CSMD1: variants seen among roughly 807,000 people sequenced by gnomAD.
CSMD1 encodes CUB and Sushi multiple domains 1.
CSMD1 carries 213 observed loss-of-function variants against 417.5 expected under a neutral mutation model. That is an observed-to-expected ratio of 0.51 (90% CI 0.46 to 0.57). CSMD1 has a LOEUF of 0.57. CSMD1 is among the 20% of genes least tolerant of loss of function. CSMD1 has a pLI of 0.00. For synonymous variants in CSMD1, 2,862 were observed against 1,736.8 expected, an observed-to-expected ratio of 1.65 and a Z score of -16.11; for missense variants, 6,923 against 4,529.7, an observed-to-expected ratio of 1.53 and a Z score of -15.17.
intron 7 of CSMD1, among the ~76,000 whole-genome samples, chr8:3,703,314 TA>T (rs1397356491): frequency 6.6e-6 from 1 of 152,194 alleles, no homozygotes; most frequent in African/African-American, 2.4e-5. Flanking sequence ...CAAGGCTGTG[TA>T]AAGAAGCTGA....
intron 26 of CSMD1, among the ~76,000 whole-genome samples, chr8:3,233,685 C>G (rs79409820): frequency 6.6e-6 from 1 of 151,826 alleles, no homozygotes; most frequent in African/African-American, 2.4e-5. Flanking sequence ...AGTCTGAATC[C>G]GATAAGAATT....
chr8:4,304,064 C>G (rs181873151), intron 3 of CSMD1, among the ~76,000 whole-genome samples: 13 of 152,212 alleles, frequency 8.5e-5, no homozygotes, highest in East Asian at 7.7e-4. Flanking sequence ...ATCACAAAGC[C>G]TCGATGAAAC....
At chr8:3,450,473 C>A (rs1815628969) in intron 12 of CSMD1, among the ~76,000 whole-genome samples, 1 of 151,612 alleles carries the variant, frequency 6.6e-6, no homozygotes, top group South Asian at 2.1e-4. Context: ...CCCCACACCC[C>A]ACAACAGGCC....
At chr8:4,608,532 C>T (rs79970576) in intron 2 of CSMD1, among the ~76,000 whole-genome samples, 2,839 of 152,264 alleles carry the variant, frequency 0.019, 70 homozygotes, top group African/African-American at 0.061. Context: ...CCATAAGAGA[C>T]GCCAGTACTG....
intron 5 of CSMD1, among the ~76,000 whole-genome samples, chr8:3,888,264 C>G (rs1337184453): frequency 6.6e-6 from 1 of 152,152 alleles, no homozygotes; most frequent in East Asian, 1.9e-4. Flanking sequence ...GCTAAATACA[C>G]CCAAATGCCA....
intron 7 of CSMD1, among the ~76,000 whole-genome samples, chr8:3,658,573 A>T (rs988945571): frequency 1.3e-5 from 2 of 151,670 alleles, no homozygotes; most frequent in Non-Finnish European, 2.9e-5. Context: ...ACTTGAGGTC[A>T]GGAGTTTGAG....
At chr8:3,618,788 T>G (rs559765409) in intron 7 of CSMD1, among the ~76,000 whole-genome samples, 1 of 152,228 alleles carries the variant, frequency 6.6e-6, no homozygotes, top group Non-Finnish European at 1.5e-5. Flanking sequence ...TTTCATGATG[T>G]CTTACTCTCC....
chr8:4,462,700 T>C lies in CSMD1; in HGVS notation c.303-42635A>G, dbSNP rs192398168. On this transcript the variant is annotated intron_variant, in intron 2 of 69. Coordinates refer to ENST00000635120, the MANE Select transcript of CSMD1 (RefSeq NM_033225.6). The stretch of plus-strand genomic sequence containing the variant: ...AAAAACCACTGACATTACCCGTCAA[T>C]TTGATTTTTGACAAGATGCCAAAAC... Among the ~76,000 whole-genome samples, 1,123 of 152,330 alleles carry C rather than the reference T, an allele frequency of 7.4e-3. 14 individuals are homozygous for C. The highest frequency in any genetic ancestry group is 0.025 in the African/African-American group (1,043 of 41,576).
intron 3 of CSMD1, among the ~76,000 whole-genome samples, chr8:4,323,576 A>T (rs1328185825): frequency 1.3e-5 from 2 of 152,140 alleles, no homozygotes; most frequent in Non-Finnish European, 2.9e-5. Flanking sequence ...CTGCTTTCCA[A>T]GGTGTTTGAG....
chr8:3,857,197 G>C (rs1804372262), intron 5 of CSMD1, among the ~76,000 whole-genome samples: 1 of 152,138 alleles, frequency 6.6e-6, no homozygotes, highest in Non-Finnish European at 1.5e-5. Context: ...AAGTGCCAAA[G>C]TTGTACAGGA....
intron 5 of CSMD1, among the ~76,000 whole-genome samples, chr8:3,883,918 A>T (rs1369880882): frequency 6.6e-6 from 1 of 152,154 alleles, no homozygotes; most frequent in Non-Finnish European, 1.5e-5. Context: ...ATATGTTAAA[A>T]TATATGAATA....
At position 3,751,322 on chromosome 8, in the gene CSMD1, GTGTGTA is replaced by G. The variant is rs1348330949; in HGVS notation, c.931+2602_931+2607del. Among the ~76,000 whole-genome samples, 18 of 145,948 alleles carry G rather than the reference GTGTGTA, an allele frequency of 1.2e-4. No homozygotes were observed. The South Asian group carries it at 1.8e-3, about 14-fold the overall frequency. On this transcript the variant is annotated intron_variant, in intron 6 of 69. Transcript: ENST00000635120. Reference sequence around the variant, plus strand: ...GAAGTGTGTGTGTGTGTGTGTGTGTGTGTGTATATATATATATATACACGAACACAC... The same window carrying G: ...GAAGTGTGTGTGTGTGTGTGTGTGTGTATATATATATATACACGAACACAC...
chr8:3,498,826 G>C (rs181733150), intron 10 of CSMD1, among the ~76,000 whole-genome samples: 2 of 151,994 alleles, frequency 1.3e-5, no homozygotes, highest in East Asian at 1.9e-4. Context: ...TTATTATTCA[G>C]TTTCAAGACT....
intron 3 of CSMD1, among the ~76,000 whole-genome samples, chr8:4,210,804 C>T (rs1213501581): frequency 6.6e-6 from 1 of 152,086 alleles, no homozygotes; most frequent in Non-Finnish European, 1.5e-5. Context: ...TCTACAAGGT[C>T]TCAAGACTAT....
intron 10 of CSMD1, among the ~76,000 whole-genome samples, chr8:3,570,700 T>C (rs950337055): frequency 1.3e-5 from 2 of 152,194 alleles, no homozygotes; most frequent in African/African-American, 4.8e-5. Context: ...TAGTTGGCTC[T>C]TCTGTTAGTT....
rs79494200 is a variant in CSMD1, at chr8:4,342,878, A to G, written c.415+77075T>C. Among the ~76,000 whole-genome samples the G allele has an allele frequency of 2.3e-3, 355 of 152,234 alleles. 6 individuals are homozygous for G. In the East Asian group the frequency reaches 0.04, roughly 17 times the overall value. On this transcript the variant is annotated intron_variant, in intron 3 of 69. Transcript: ENST00000635120. ...ATACACCAAAGGCCACCCATGTGACATATCAGGAGAAGCAAAGGACTTATG... is the reference window on the plus strand; with the variant it reads ...ATACACCAAAGGCCACCCATGTGACGTATCAGGAGAAGCAAAGGACTTATG...
chr8:3,904,686 G>A (rs989816908), intron 5 of CSMD1, among the ~76,000 whole-genome samples: 17 of 146,240 alleles, frequency 1.2e-4, no homozygotes, highest in African/African-American at 2.1e-4. Context: ...ACCCCGGTTG[G>A]ACTGCAGTGG....
At chr8:3,083,908 C>A (rs1009049737) in intron 49 of CSMD1, among the ~76,000 whole-genome samples, 1 of 151,772 alleles carries the variant, frequency 6.6e-6, no homozygotes, top group African/African-American at 2.4e-5. Flanking sequence ...ATCCACCCAC[C>A]CACCTTGGCC....
At chr8:3,727,841 C>T (rs1410320184) in intron 6 of CSMD1, among the ~76,000 whole-genome samples, 1 of 152,138 alleles carries the variant, frequency 6.6e-6, no homozygotes, top group African/African-American at 2.4e-5. Context: ...GGCAGTGCGC[C>T]AGGTGAAATA....
Sources: allele counts gnomAD v4.1 joint callset (sites outside exome capture counted in the v4.1 genomes callset), GRCh38; gene constraint gnomAD v4.1.1; transcripts MANE v1.5; gene names NCBI Gene and HGNC (gene_info 2026-07-23, HGNC 2026-07-21).